UGT1A9: variants seen among roughly 807,000 people sequenced by gnomAD.
UGT1A9 encodes UDP glucuronosyltransferase family 1 member A9, also known as UDP-glucuronosyltransferase 1A9.
In UGT1A9, 35 loss-of-function variants were observed where a neutral mutation model predicts 45.0. The ratio of observed to expected loss-of-function variants is 0.78; its 90% CI spans 0.59 to 1.03. UGT1A9 has a LOEUF of 1.03. UGT1A9 is among the 50% of genes least tolerant of loss of function. The probability of loss-of-function intolerance (pLI) is 0.00; values close to 1 mark genes in which losing one functional copy is unlikely to be tolerated. For synonymous variants in UGT1A9, 278 were observed against 250.6 expected (o/e 1.11, Z -1.03); for missense variants, 687 against 666.6 (o/e 1.03, Z -0.34).
rs28970018 is a variant in UGT1A9, at chr2:233,680,395, G to A, written c.855+7606G>A. On this transcript the variant is annotated intron_variant, in intron 1 of 4. Transcript: ENST00000354728. ...CTTTAGCTCCCTGCAATAGCAACAG[G>A]AGGTAGCAACAAAATTATTATAGTA... Among the ~76,000 whole-genome samples, 1,472 of 152,290 alleles carry A rather than the reference G, an allele frequency of 9.7e-3. 35 individuals carry two copies. Among genetic ancestry groups the A allele is most frequent in the African/African-American group, 0.033 (1,380 of 41,552 alleles).
intron 1 of UGT1A9, chr2:233,729,429 T>G (rs765476493): frequency 6.2e-7 from 1 of 1,613,872 alleles, no homozygotes; most frequent in Admixed American, 1.7e-5. Context: ...AACTGTACTT[T>G]GAAACAGAAC....
chr2:233,749,231 T>A (rs10178992), intron 1 of UGT1A9, among the ~76,000 whole-genome samples: 55,848 of 151,690 alleles, frequency 0.37, 10,811 homozygotes, highest in African/African-American at 0.42. Context: ...CTTCATTTTT[T>A]AAAATCAAAC....
At chr2:233,724,286 G>C (rs1416950047) in intron 1 of UGT1A9, among the ~76,000 whole-genome samples, 3 of 143,448 alleles carry the variant, frequency 2.1e-5, no homozygotes, top group African/African-American at 2.6e-5. Flanking sequence ...CCGGGCGGGG[G>C]GCTGACCCCC....
chr2:233,747,312 G>T, intron 1 of UGT1A9: 1 of 1,603,228 alleles, frequency 6.2e-7, no homozygotes, highest in Non-Finnish European at 8.5e-7. Context: ...AGGTGCTGGT[G>T]GTACCCATTG....
At chr2:233,737,020 G>A (rs2078835336) in intron 1 of UGT1A9, among the ~76,000 whole-genome samples, 1 of 152,228 alleles carries the variant, frequency 6.6e-6, no homozygotes, top group African/African-American at 2.4e-5. Context: ...GAGGCAGTCT[G>A]TCCATTCTCA....
intron 1 of UGT1A9, chr2:233,719,275 A>T: frequency 6.2e-7 from 1 of 1,613,870 alleles, no homozygotes; most frequent in South Asian, 1.1e-5. Flanking sequence ...GTTTTAACAG[A>T]CCCCGTTAAC....
chr2:233,716,180 T>C (rs1445061863), intron 1 of UGT1A9, among the ~76,000 whole-genome samples: 1 of 152,174 alleles, frequency 6.6e-6, no homozygotes, highest in Non-Finnish European at 1.5e-5. Flanking sequence ...CATCTTCAAG[T>C]CTCTAATTCT....
In UGT1A9 at chr2:233,769,397, A is replaced by C; in HGVS notation, c.1295+958A>C. 1 of 1,148,656 alleles carries C rather than the reference A, an allele frequency of 8.7e-7. No individual in the cohort carries two copies. The allele number at this position is 1,148,656 out of a possible 1,614,324, so 71.2% of individuals were successfully genotyped here. ...TCATCCGACAATAGATACTGTGTGC[A>C]TATGTGCGTGTGCGTTTGTGCATGT... On this transcript the variant is annotated intron_variant, in intron 4 of 4. Transcript: ENST00000354728. This position sits in a 1 kb window ranked among gnomAD's most constrained non-coding sequence, Gnocchi z 4.4.
At chr2:233,756,025 C>T (rs1696093592) in intron 1 of UGT1A9, 1 of 152,194 alleles carries the variant, frequency 6.6e-6, no homozygotes, top group African/African-American at 2.4e-5. Context: ...TTACACATCC[C>T]CCATGTAGCT....
intron 1 of UGT1A9, among the ~76,000 whole-genome samples, chr2:233,740,349 G>A (rs1165997956): frequency 2.0e-5 from 3 of 151,880 alleles, no homozygotes; most frequent in South Asian, 2.1e-4. Flanking sequence ...ATGAGAAAGT[G>A]GAATTAGAAA....
rs587784540 is a variant in UGT1A9 at position 233,760,766 on chromosome 2, T to A, written c.856-6268T>A. 1.9e-6 allele frequency: 3 copies of A among 1,614,116 alleles called. No individual in the cohort carries two copies. The South Asian group carries it at 3.3e-5, about 18-fold the overall frequency. On this transcript the variant is annotated intron_variant, in intron 1 of 4. Coordinates refer to ENST00000354728, the MANE Select transcript of UGT1A9 (RefSeq NM_021027.3). ...CCTTTCCTTCCTTGCAGCCCCATCG[T>A]GGCCCAGTACCTGTCTCTGCCCACT...
chr2:233,718,364 C>T (rs3732221), intron 1 of UGT1A9, among the ~76,000 whole-genome samples: 15,455 of 152,278 alleles, frequency 0.1, 904 homozygotes, highest in East Asian at 0.2. Flanking sequence ...GTGTTATTCA[C>T]ATATGAGAAG....
intron 1 of UGT1A9, among the ~76,000 whole-genome samples, chr2:233,718,336 A>G (rs1383630356): frequency 6.6e-6 from 1 of 152,212 alleles, no homozygotes; most frequent in East Asian, 1.9e-4. Context: ...GCAATGTTGT[A>G]TGTCTTTTGG....
chr2:233,754,665 AT>A (rs752229414), intron 1 of UGT1A9: 3 of 465,408 alleles, frequency 6.4e-6, no homozygotes, highest in South Asian at 1.5e-5. Flanking sequence ...CTTGGTGGTG[AT>A]TTTTTTACCA....
intron 1 of UGT1A9, among the ~76,000 whole-genome samples, chr2:233,698,632 A>G (rs1452910614): frequency 6.6e-6 from 1 of 152,262 alleles, no homozygotes; most frequent in Non-Finnish European, 1.5e-5. Context: ...TTTGCCTAAC[A>G]GGTTAGTAAG....
In UGT1A9 at chr2:233,724,595, A is replaced by G. The variant is rs1396568061; in HGVS notation, c.856-42439A>G. Among the ~76,000 whole-genome samples, 12 of 124,834 alleles carry G rather than the reference A, an allele frequency of 9.6e-5. 2 individuals are homozygous for G. In the East Asian group the frequency reaches 3.1e-3, roughly 32 times the overall value. The allele number at this position is 124,834 out of a possible 152,430, so 81.9% of individuals were successfully genotyped here. A position where few individuals can be genotyped will look rare whatever the true frequency, so the allele number is the denominator to read the frequency against. ...GGCAGAGGCGCTCCCCACATCTCAG[A>G]CGATGGGCGGCCGGGCAGAGACGCT... On this transcript the variant is annotated intron_variant, in intron 1 of 4. Coordinates refer to ENST00000354728, the MANE Select transcript of UGT1A9 (RefSeq NM_021027.3).
At chr2:233,727,509 T>C (rs1200856091) in intron 1 of UGT1A9, among the ~76,000 whole-genome samples, 9 of 152,132 alleles carry the variant, frequency 5.9e-5, no homozygotes, top group Non-Finnish European at 1.3e-4. Context: ...AGCCCATGAA[T>C]GTGGGAAGAG....
chr2:233,743,946 C>T, intron 1 of UGT1A9: 1 of 1,349,798 alleles, frequency 7.4e-7, no homozygotes, highest in South Asian at 1.2e-5. Flanking sequence ...CCACCAGGCA[C>T]TGGCACAGCG....
intron 1 of UGT1A9, among the ~76,000 whole-genome samples, chr2:233,705,940 T>C (rs2075879874): frequency 6.6e-6 from 1 of 152,018 alleles, no homozygotes; most frequent in Non-Finnish European, 1.5e-5. Flanking sequence ...AGACAAAAAA[T>C]TAGCTGGGTG....
Sources: allele counts gnomAD v4.1 joint callset (sites outside exome capture counted in the v4.1 genomes callset), GRCh38; gene constraint gnomAD v4.1.1; non-coding constraint Gnocchi (gnomAD v3.1); transcripts MANE v1.5; gene names NCBI Gene and HGNC (gene_info 2026-07-23, HGNC 2026-07-21).